TRIM37: variants seen among roughly 807,000 people sequenced by gnomAD.
The protein encoded by TRIM37 is E3 ubiquitin-protein ligase TRIM37.
In TRIM37, 80 loss-of-function variants were observed where a neutral mutation model predicts 129.8. That is an observed-to-expected ratio of 0.62 (90% confidence interval 0.51 to 0.74). TRIM37 has a LOEUF of 0.74. Among genes scored for constraint, TRIM37 ranks in the 30% least tolerant of loss-of-function variants. The pLI is 0.00. For synonymous variants in TRIM37, 389 were observed against 387.1 expected (o/e 1.00, Z -0.06); for missense variants, 1,054 against 1,176.5 (o/e 0.90, Z 1.52).
chr17:59,099,097 C>T (rs928701182), intron 2 of TRIM37, among the ~76,000 whole-genome samples: 1 of 152,054 alleles, frequency 6.6e-6, no homozygotes, highest in East Asian at 1.9e-4. Flanking sequence ...GCAGCAGACT[C>T]GCTTGAACCT....
intron 19 of TRIM37, among the ~76,000 whole-genome samples, chr17:59,020,139 G>A (rs185114756): frequency 1.4e-4 from 21 of 145,376 alleles, no homozygotes; most frequent in Non-Finnish European, 2.1e-4. Context: ...GCTGAGGTAG[G>A]AGAAGTGCTT....
At chr17:59,041,676 C>A in intron 17 of TRIM37, 137 bp downstream of exon 17, 1 of 646,462 alleles carries the variant, frequency 1.5e-6, no homozygotes. Flanking sequence ...CTAAAAAATC[C>A]ATATTATAAG....
At chr17:59,049,568 C>T (rs993985706) in intron 14 of TRIM37, among the ~76,000 whole-genome samples, 175 bp from the exon 15 acceptor site, 4 of 152,240 alleles carry the variant, frequency 2.6e-5, no homozygotes, top group African/African-American at 9.6e-5. Context: ...TCATAGCTCA[C>T]TGCAAGCCTT....
At chr17:58,986,171 C>A (rs1198595779) in intron 24 of TRIM37, among the ~76,000 whole-genome samples, 1 of 152,002 alleles carries the variant, frequency 6.6e-6, no homozygotes, top group Non-Finnish European at 1.5e-5. Flanking sequence ...CCCCCCACAC[C>A]CGCCCCCTGT....
At chr17:59,072,513 G>A (rs1162134126) in intron 8 of TRIM37, among the ~76,000 whole-genome samples, 1 of 151,976 alleles carries the variant, frequency 6.6e-6, no homozygotes, top group Non-Finnish European at 1.5e-5. Context: ...GGATCACTTA[G>A]GGTGAGGAGT....
intron 9 of TRIM37, among the ~76,000 whole-genome samples, chr17:59,067,451 G>C (rs1202784669): frequency 6.6e-6 from 1 of 152,076 alleles, no homozygotes; most frequent in Non-Finnish European, 1.5e-5. Context: ...CAAATCTTCA[G>C]ACCAGTAACC....
chr17:59,076,976 T>C (rs1459450408), intron 7 of TRIM37, among the ~76,000 whole-genome samples: 2 of 152,118 alleles, frequency 1.3e-5, no homozygotes, highest in African/African-American at 4.8e-5. Context: ...TTAGTAGAGA[T>C]GGGGTTTCTC....
intron 13 of TRIM37, among the ~76,000 whole-genome samples, chr17:59,056,432 T>C (rs1409279532): frequency 6.6e-6 from 1 of 151,914 alleles, no homozygotes; most frequent in Non-Finnish European, 1.5e-5. Flanking sequence ...ATAAAACAGT[T>C]AAGAAAGTGA....
At position 59,047,689 on chromosome 17, in the gene TRIM37, T is replaced by C. The variant is rs773528649; in HGVS notation, c.1661A>G (p.Glu554Gly). 3.7e-6 allele frequency: 6 copies of C among 1,613,282 alleles called. No individual in the cohort carries two copies. Among genetic ancestry groups the C allele is most frequent in the Non-Finnish European group, 4.2e-6 (5 of 1,179,740 alleles). The change falls in exon 16 of 24, where the codon GAA (glutamate) becomes GGA (glycine). Residue 554 changes from glutamate (E) to glycine (G), a missense_variant. Transcript: ENST00000262294. Reference sequence around the variant, plus strand: ...AGTAAAGTGGGAAACTCACATAGTTTCTTCATCAATATCATTTTCTTCTGT... The same window carrying C: ...AGTAAAGTGGGAAACTCACATAGTTCCTTCATCAATATCATTTTCTTCTGT... Reference protein sequence around the residue: ...SNTEENDIDEETMSGENDVEY... With the variant: ...SNTEENDIDEGTMSGENDVEY...
intron 7 of TRIM37, among the ~76,000 whole-genome samples, 175 bp from the exon 8 acceptor site, chr17:59,075,889 C>G (rs2042775508): frequency 6.6e-6 from 1 of 152,062 alleles, no homozygotes; most frequent in Non-Finnish European, 1.5e-5. Context: ...ATTATAGTAG[C>G]CTTGAAAATG....
chr17:58,973,418 A>G, the TRIM37 span, among the ~76,000 whole-genome samples: 1 of 151,432 alleles, frequency 6.6e-6, no homozygotes, highest in East Asian at 1.9e-4. Flanking sequence ...CTGTCTCAAA[A>G]AAAAAAAAAA....
intron 4 of TRIM37, among the ~76,000 whole-genome samples, chr17:59,085,817 CA>C (rs34925649): frequency 2.0e-5 from 3 of 151,448 alleles, no homozygotes; most frequent in East Asian, 3.9e-4. Flanking sequence ...GATGAATGGA[CA>C]AAAAAAATGT....
intron 13 of TRIM37, among the ~76,000 whole-genome samples, chr17:59,055,244 G>A (rs1433117797): frequency 6.8e-6 from 1 of 147,130 alleles, no homozygotes; most frequent in Non-Finnish European, 1.5e-5. Flanking sequence ...GCTGAGGCAG[G>A]AGAATCGCTT....
At chr17:58,985,371 T>C (rs1446853975) in intron 24 of TRIM37, among the ~76,000 whole-genome samples, 2 of 152,236 alleles carry the variant, frequency 1.3e-5, no homozygotes, top group Non-Finnish European at 2.9e-5. Flanking sequence ...TTTAGCCTTA[T>C]ACATGTTCTC....
intron 20 of TRIM37, among the ~76,000 whole-genome samples, chr17:59,016,866 G>C (rs1048964415): frequency 2.0e-5 from 3 of 152,084 alleles, no homozygotes; most frequent in African/African-American, 7.2e-5. Flanking sequence ...TTAAGGGTCT[G>C]TTCTGTTGAG....
In TRIM37 at chr17:58,999,340, C is replaced by A; in HGVS notation, c.*37G>T. ...CACCAACTACAGCAAAATTCAGGGT[C>A]AAGGTAGCTTGCAAGTCAGTTCTCT... On this transcript the variant is annotated 3_prime_UTR_variant, in exon 24 of 24. Coordinates refer to ENST00000262294, the MANE Select transcript of TRIM37 (RefSeq NM_015294.6). The A allele has an allele frequency of 1.2e-6, 2 of 1,613,592 alleles. No homozygotes were observed. Among genetic ancestry groups the A allele is most frequent in the South Asian group, 2.2e-5 (2 of 90,992 alleles).
the TRIM37 span, among the ~76,000 whole-genome samples, chr17:58,972,575 T>G: frequency 5.3e-5 from 8 of 152,190 alleles, no homozygotes; most frequent in Non-Finnish European, 5.9e-5. Context: ...GGTCTTGAAC[T>G]CCTGACTTCA....
rs778053470 is a variant in TRIM37 at position 59,056,941 on chromosome 17, A to C, written c.1133T>G (p.Phe378Cys). ...EVGECWGYNR[F>C]FRLDLLANEG... ...ATTTGCGAGTAAGTCCAAACGGAAA[A>C]ATCTATTATAGCCCCAGCATTCTCC... Residue 378 changes from phenylalanine (F) to cysteine (C), a missense_variant, in exon 13 of 24, where the codon TTT becomes TGT. Physicochemically the swap from Phe to Cys is radical, Grantham distance 205 (BLOSUM62 -2). Around this residue, in one of 3 missense-constraint regions of TRIM37, gnomAD observed 752 missense variants for 870.8 expected, o/e 0.86. Transcript: ENST00000262294. 1 of 1,613,762 alleles carries C rather than the reference A, an allele frequency of 6.2e-7. No homozygotes were observed. The highest frequency in any genetic ancestry group is 8.5e-7 in the Non-Finnish European group (1 of 1,179,890).
At chr17:58,991,483 C>T (rs2032402087) in intron 24 of TRIM37, among the ~76,000 whole-genome samples, 1 of 151,880 alleles carries the variant, frequency 6.6e-6, no homozygotes, top group Admixed American at 6.6e-5. Flanking sequence ...TTCCAGTGAG[C>T]CGAGATAAAA....
Sources: gnomAD v4.1 joint callset for allele counts (sites outside exome capture counted in the v4.1 genomes callset) on GRCh38, gnomAD v4.1.1 for gene constraint, gnomAD v4.1.1 regional missense constraint, MANE v1.5 for transcripts, NCBI Gene and HGNC (gene_info 2026-07-23, HGNC 2026-07-21) for gene names.